The following MAGI2 variants were observed in gnomAD, a reference collection of about 807,000 sequenced individuals.
MAGI2 encodes membrane associated guanylate kinase, WW and PDZ domain containing 2, also known as membrane-associated guanylate kinase, WW and PDZ domain-containing protein 2.
A neutral mutation model predicts 133.3 loss-of-function variants in MAGI2; 35 were observed. The ratio of observed to expected loss-of-function variants is 0.26; its 90% CI spans 0.20 to 0.35. The LOEUF is 0.35. Ranked by LOEUF, MAGI2 falls within the 10% of genes least tolerant of loss-of-function variation. MAGI2 has a pLI of 1.00. For missense variants in MAGI2, 1,636 were observed against 1,863.4 expected, an observed-to-expected ratio of 0.88 and a Z score of 2.25; for synonymous variants, 729 against 710.6, an observed-to-expected ratio of 1.03 and a Z score of -0.41.
At chr7:78,872,810 T>C (rs993617075) in intron 2 of MAGI2, among the ~76,000 whole-genome samples, 6 of 151,204 alleles carry the variant, frequency 4.0e-5, no homozygotes, top group Non-Finnish European at 8.8e-5. Context: ...GAAGTATCTA[T>C]TTTATGTTAT....
At chr7:78,984,939 T>C (rs536676007) in intron 2 of MAGI2, among the ~76,000 whole-genome samples, 1 of 152,102 alleles carries the variant, frequency 6.6e-6, no homozygotes, top group Admixed American at 6.6e-5. Flanking sequence ...TCTAAGTGAA[T>C]AAATCAATCA....
intron 2 of MAGI2, among the ~76,000 whole-genome samples, chr7:78,760,365 T>TTC (rs1454197602): frequency 4.8e-5 from 7 of 146,568 alleles, no homozygotes; most frequent in Non-Finnish European, 7.5e-5. Context: ...TTCTCTCTTT[T>TTC]TTTTTTTTTT....
chr7:78,509,132 A>AT (rs11356651), intron 4 of MAGI2, among the ~76,000 whole-genome samples: 63 of 149,242 alleles, frequency 4.2e-4, no homozygotes, highest in African/African-American at 1.2e-3. Flanking sequence ...CAGAACAAGA[A>AT]TTTTTTTTTT....
chr7:78,975,250 A>G lies in MAGI2; in HGVS notation c.418+31840T>C, dbSNP rs553573166. On this transcript the variant is annotated intron_variant, in intron 2 of 21. Transcript: ENST00000354212. The stretch of plus-strand genomic sequence containing the variant: ...ATATGTTCTTCTCAAACTCACCTGG[A>G]ACAGTCATCAAGATAGACCACATTG... Among the ~76,000 whole-genome samples, 28 of 151,910 alleles carry G rather than the reference A, an allele frequency of 1.8e-4. No individual in the cohort carries two copies. In the East Asian group the frequency reaches 5.1e-3, roughly 28 times the overall value.
At chr7:78,701,628 T>C (rs1818083900) in intron 2 of MAGI2, among the ~76,000 whole-genome samples, 1 of 151,936 alleles carries the variant, frequency 6.6e-6, no homozygotes, top group South Asian at 2.1e-4. Flanking sequence ...AAGCTCACCC[T>C]GCCTTTTTCC....
chr7:79,020,767 A>AAAAG (rs1270837573), intron 1 of MAGI2, among the ~76,000 whole-genome samples: 1 of 149,342 alleles, frequency 6.7e-6, no homozygotes, highest in African/African-American at 2.5e-5. Flanking sequence ...CTCTGTCTTA[A>AAAAG]AAAAAAAAAA....
chr7:78,325,122 T>C (rs1788453153), intron 9 of MAGI2, among the ~76,000 whole-genome samples: 1 of 152,232 alleles, frequency 6.6e-6, no homozygotes, highest in South Asian at 2.1e-4. Context: ...AGCTATTTCA[T>C]GTCTGAAGCA....
chr7:78,540,785 C>T (rs978860345), intron 3 of MAGI2, among the ~76,000 whole-genome samples: 55 of 152,028 alleles, frequency 3.6e-4, no homozygotes, highest in Admixed American at 2.0e-3. Flanking sequence ...GGACTCTCCC[C>T]GCTGCTTCTT....
intron 2 of MAGI2, among the ~76,000 whole-genome samples, chr7:78,791,265 C>T (rs1308090129): frequency 2.0e-5 from 3 of 151,946 alleles, no homozygotes; most frequent in Non-Finnish European, 4.4e-5. Flanking sequence ...TAAAGAAATG[C>T]AAATCAAAAC....
chr7:79,068,341 A>G (rs1275713067), intron 1 of MAGI2, among the ~76,000 whole-genome samples: 4 of 152,118 alleles, frequency 2.6e-5, no homozygotes, highest in Admixed American at 2.6e-4. Context: ...GGGAGGCTGT[A>G]TGTGTCCAGG....
At position 78,559,748 on chromosome 7, in the gene MAGI2, T is replaced by G. The variant is rs945050340; in HGVS notation, c.539-38103A>C. Among the ~76,000 whole-genome samples, 9 of 152,132 alleles carry G rather than the reference T, an allele frequency of 5.9e-5. 1 individual carries two copies. The highest frequency in any genetic ancestry group is 2.2e-4 in the African/African-American group (9 of 41,426). On this transcript the variant is annotated intron_variant, in intron 3 of 21. Coordinates refer to ENST00000354212, the MANE Select transcript of MAGI2 (RefSeq NM_012301.4). ...CTTCATCTACAAAATATATGTGACT[T>G]TATACTCATAGTCACATCCCTGCCT...
intron 2 of MAGI2, among the ~76,000 whole-genome samples, chr7:78,849,752 A>T (rs1563577209): frequency 6.6e-6 from 1 of 152,060 alleles, no homozygotes; most frequent in Non-Finnish European, 1.5e-5. Context: ...CTTAAGATTG[A>T]TATAATACTT....
chr7:78,748,995 G>A (rs964058299), intron 2 of MAGI2, among the ~76,000 whole-genome samples: 1 of 152,170 alleles, frequency 6.6e-6, no homozygotes, highest in African/African-American at 2.4e-5. Context: ...TACTAAAATT[G>A]TAAAGATGAG....
intron 1 of MAGI2, among the ~76,000 whole-genome samples, chr7:79,178,510 G>C (rs112151410): frequency 2.0e-5 from 3 of 151,776 alleles, no homozygotes; most frequent in Non-Finnish European, 2.9e-5. Flanking sequence ...TCAGGAGTTC[G>C]AGACCAGCCT....
At chr7:78,225,907 A>G (rs1381891468) in intron 10 of MAGI2, among the ~76,000 whole-genome samples, 1 of 152,218 alleles carries the variant, frequency 6.6e-6, no homozygotes, top group Non-Finnish European at 1.5e-5. Context: ...CTGCAGCCAC[A>G]TTGTACAACG....
chr7:78,220,668 C>T (rs1170833428), intron 10 of MAGI2, among the ~76,000 whole-genome samples: 3 of 152,162 alleles, frequency 2.0e-5, no homozygotes, highest in Admixed American at 1.3e-4. Flanking sequence ...ATAAGACACA[C>T]ATTAAGTAAC....
At chr7:79,062,194 C>T (rs761808184) in intron 1 of MAGI2, among the ~76,000 whole-genome samples, 21 of 152,082 alleles carry the variant, frequency 1.4e-4, no homozygotes, top group Non-Finnish European at 2.1e-4. Flanking sequence ...TATAATTTCA[C>T]AGCCCATACC....
chr7:78,873,197 G>A (rs1489608009), intron 2 of MAGI2, among the ~76,000 whole-genome samples: 3 of 152,066 alleles, frequency 2.0e-5, no homozygotes, highest in Non-Finnish European at 2.9e-5. Flanking sequence ...TGTGTAAAAG[G>A]CAGTCTGCAA....
intron 1 of MAGI2, among the ~76,000 whole-genome samples, chr7:79,012,653 T>A (rs12536843): frequency 0.68 from 102,947 of 152,058 alleles, 35,005 homozygotes; most frequent in Non-Finnish European, 0.7. Flanking sequence ...TTCAGTCAGG[T>A]AAACAAGTTT....
Sources: allele counts gnomAD v4.1 joint callset (sites outside exome capture counted in the v4.1 genomes callset), GRCh38; gene constraint gnomAD v4.1.1; transcripts MANE v1.5; gene names NCBI Gene and HGNC (gene_info 2026-07-23, HGNC 2026-07-21).